Variants in NYAP2 observed in about 807,000 individuals in gnomAD.
NYAP2 encodes neuronal tyrosine-phosphorylated phosphoinositide-3-kinase adapter 2.
A neutral mutation model predicts 50.4 loss-of-function variants in NYAP2; 23 were observed. The observed-to-expected ratio is 0.46, with a 90% CI of 0.33 to 0.65. The LOEUF (loss-of-function observed/expected upper bound fraction) is 0.65, where lower values mean the gene tolerates loss of function less well. Among genes scored for constraint, NYAP2 ranks in the 30% least tolerant of loss-of-function variants. NYAP2 has a pLI of 0.02. For missense variants in NYAP2, 885 were observed against 861.0 expected, an observed-to-expected ratio of 1.03 and a Z score of -0.35; for synonymous variants, 394 against 365.2, an observed-to-expected ratio of 1.08 and a Z score of -0.90.
At chr2:225,446,321 A>G (rs1689564829) in intron 3 of NYAP2, among the ~76,000 whole-genome samples, 1 of 145,970 alleles carries the variant, frequency 6.9e-6, no homozygotes, top group South Asian at 2.2e-4. Context: ...AGCTGTTACT[A>G]TTGTTCATTC....
chr2:225,403,489 T>C (rs956618679), intron 2 of NYAP2, among the ~76,000 whole-genome samples: 8 of 151,984 alleles, frequency 5.3e-5, no homozygotes, highest in African/African-American at 1.9e-4. Flanking sequence ...AGCTATAAGA[T>C]TATCTTGTAG....
intron 5 of NYAP2, among the ~76,000 whole-genome samples, chr2:225,589,945 G>A (rs1692467828): frequency 6.6e-6 from 1 of 152,014 alleles, no homozygotes. Context: ...AGGACTCCTG[G>A]ATGTACGGTA....
intron 3 of NYAP2, among the ~76,000 whole-genome samples, chr2:225,447,077 C>G (rs539901544): frequency 4.6e-5 from 7 of 152,124 alleles, no homozygotes; most frequent in Non-Finnish European, 1.0e-4. Flanking sequence ...AAGAAATTGC[C>G]TCATGATGGT....
intron 4 of NYAP2, among the ~76,000 whole-genome samples, chr2:225,566,192 A>G (rs939729314): frequency 6.6e-6 from 1 of 152,196 alleles, no homozygotes; most frequent in Non-Finnish European, 1.5e-5. Context: ...GGCTATTATT[A>G]TGCATTATTA....
At chr2:225,433,933 G>A (rs1322861568) in intron 3 of NYAP2, among the ~76,000 whole-genome samples, 1 of 151,710 alleles carries the variant, frequency 6.6e-6, no homozygotes, top group Non-Finnish European at 1.5e-5. Flanking sequence ...GATGTAAAAT[G>A]GAATGTGAAT....
At chr2:225,533,567 T>C (rs1194778387) in intron 4 of NYAP2, among the ~76,000 whole-genome samples, 1 of 152,098 alleles carries the variant, frequency 6.6e-6, no homozygotes, top group Non-Finnish European at 1.5e-5. Context: ...TGTGCACCTG[T>C]GGTCCCAGGT....
the NYAP2 span, among the ~76,000 whole-genome samples, chr2:225,695,863 T>C: frequency 1.3e-5 from 2 of 151,896 alleles, no homozygotes; most frequent in Non-Finnish European, 2.9e-5. Flanking sequence ...AGTCCTGAGC[T>C]AGGAATTAGA....
downstream of NYAP2, among the ~76,000 whole-genome samples, chr2:225,658,933 C>A (rs1275234475): frequency 6.6e-6 from 1 of 152,130 alleles, no homozygotes; most frequent in African/African-American, 2.4e-5. Flanking sequence ...CTTTAGGCAG[C>A]AGAATATTTG....
rs138485869 is a variant in NYAP2 at position 225,449,560 on chromosome 2, C to T, written c.221+40459C>T. On this transcript the variant is annotated intron_variant, in intron 3 of 6. Coordinates refer to ENST00000636099, the Ensembl canonical transcript of NYAP2. Reference sequence around the variant, plus strand: ...TTTCATTTTAAAATATCCTTTTCTACATTTCACCCAAGGAAACCAGATCTC... The same window carrying T: ...TTTCATTTTAAAATATCCTTTTCTATATTTCACCCAAGGAAACCAGATCTC... Among the ~76,000 whole-genome samples the T allele has an allele frequency of 1.2e-3, 175 of 149,336 alleles. 1 individual carries two copies. The highest frequency in any genetic ancestry group is 4.2e-3 in the African/African-American group (170 of 40,876).
intron 3 of NYAP2, among the ~76,000 whole-genome samples, chr2:225,456,222 G>C (rs1396452035): frequency 2.6e-5 from 4 of 152,204 alleles, no homozygotes; most frequent in Non-Finnish European, 5.9e-5. Flanking sequence ...CAGTGAATTT[G>C]AGTCACCCTT....
chr2:225,521,704 A>G (rs1191649369), intron 4 of NYAP2, among the ~76,000 whole-genome samples: 2 of 151,916 alleles, frequency 1.3e-5, no homozygotes, highest in Non-Finnish European at 2.9e-5. Context: ...TTTTGCATCA[A>G]TGTTCATCAA....
intron 3 of NYAP2, among the ~76,000 whole-genome samples, chr2:225,479,851 C>T (rs1574635779): frequency 6.6e-6 from 1 of 152,060 alleles, no homozygotes; most frequent in South Asian, 2.1e-4. Context: ...ATGTGATTCC[C>T]TTTCCCCAGT....
the NYAP2 span, among the ~76,000 whole-genome samples, chr2:225,681,693 C>A: frequency 6.6e-6 from 1 of 152,188 alleles, no homozygotes; most frequent in Non-Finnish European, 1.5e-5. Context: ...CATAATCTCA[C>A]TGCATTTATG....
At chr2:225,461,334 C>G (rs1457042885) in intron 3 of NYAP2, among the ~76,000 whole-genome samples, 1 of 152,214 alleles carries the variant, frequency 6.6e-6, no homozygotes, top group Admixed American at 6.5e-5. Flanking sequence ...CCAGGTTGTG[C>G]ACAACCCTCC....
chr2:225,465,561 A>G (rs1435624392), intron 3 of NYAP2, among the ~76,000 whole-genome samples: 1 of 152,078 alleles, frequency 6.6e-6, no homozygotes, highest in Non-Finnish European at 1.5e-5. Context: ...CTAAAAATAC[A>G]AAAAAGTAGG....
intron 5 of NYAP2, among the ~76,000 whole-genome samples, chr2:225,614,621 CTCTA>C (rs1482846488): frequency 2.0e-5 from 3 of 152,152 alleles, no homozygotes; most frequent in Non-Finnish European, 2.9e-5. Context: ...AACCTAATTT[CTCTA>C]TCTCTTAGTT....
At chr2:225,541,561 T>C (rs1219912082) in intron 4 of NYAP2, among the ~76,000 whole-genome samples, 1 of 152,186 alleles carries the variant, frequency 6.6e-6, no homozygotes, top group Non-Finnish European at 1.5e-5. Context: ...TTTTCCCAAA[T>C]GTATGTTCTT....
chr2:225,643,804 T>C (rs1176228552), intron 6 of NYAP2, among the ~76,000 whole-genome samples: 1 of 151,740 alleles, frequency 6.6e-6, no homozygotes, highest in African/African-American at 2.4e-5. Flanking sequence ...TAGTATTCCA[T>C]GGTGTATATG....
At chr2:225,639,736 C>T (rs1454969541) in intron 6 of NYAP2, among the ~76,000 whole-genome samples, 1 of 152,198 alleles carries the variant, frequency 6.6e-6, no homozygotes, top group South Asian at 2.1e-4. Context: ...TGAGTACATG[C>T]CAGTGAGGGA....
Sources: gnomAD v4.1 joint callset for allele counts (sites outside exome capture counted in the v4.1 genomes callset) on GRCh38, gnomAD v4.1.1 for gene constraint, MANE v1.5 for transcripts, NCBI Gene and HGNC (gene_info 2026-07-23, HGNC 2026-07-21) for gene names.